NRXN2: variants seen among roughly 807,000 people sequenced by gnomAD.
NRXN2 encodes the protein neurexin 2.
Under a neutral mutation model 128.8 loss-of-function variants are expected in NRXN2, and 29 were observed. The observed-to-expected ratio is 0.23, with a 90% confidence interval of 0.17 to 0.31. NRXN2 has a LOEUF of 0.31. Among genes scored for constraint, NRXN2 ranks in the 10% least tolerant of loss-of-function variants. The pLI is 1.00. For missense variants in NRXN2, 1,881 were observed against 2,452.6 expected (o/e 0.77, Z 4.92); for synonymous variants, 1,098 against 1,075.2 (o/e 1.02, Z -0.41).
At position 64,692,710 on chromosome 11, in the gene NRXN2, G is replaced by T. The variant is rs924077356; in HGVS notation, c.778+137C>A. The T allele has an allele frequency of 1.2e-5, 8 of 668,088 alleles. 1 individual carries two copies. The highest frequency in any genetic ancestry group is 2.1e-5 in the Non-Finnish European group (8 of 376,862). The allele number at this position is 668,088 out of a possible 1,614,324, so 41.4% of individuals were successfully genotyped here. Reference sequence around the variant, plus strand: ...AAAATTAAGAAATGGCAAAGGAAGCGGGTAGGAAAGGAAGGAAGGTGTCAG... The same window carrying T: ...AAAATTAAGAAATGGCAAAGGAAGCTGGTAGGAAAGGAAGGAAGGTGTCAG... On this transcript the variant is annotated intron_variant, in intron 4 of 22. Coordinates refer to ENST00000265459, the MANE Select transcript of NRXN2 (RefSeq NM_015080.4).
At position 64,630,448 on chromosome 11, in the gene NRXN2, G is replaced by A; in HGVS notation, c.3711C>T (p.Ala1237=). 6.2e-7 allele frequency: 1 copy of A among 1,613,472 alleles called. No individual in the cohort carries two copies. The highest frequency in any genetic ancestry group is 1.1e-5 in the South Asian group (1 of 91,082). The change falls in exon 19 of 23, where the codon GCC becomes GCT. Residue 1237 remains alanine, a synonymous_variant. Coordinates refer to ENST00000265459, the MANE Select transcript of NRXN2 (RefSeq NM_015080.4). The surrounding 1 kb of genome is among the most constrained non-coding windows in gnomAD (Gnocchi z 4.6). ...CCGGCCAGCTGTCCACCTGCAGGGTGGCGTTGCCGCCGCTTCGAGTGAAGC... is the reference window on the plus strand; with the variant it reads ...CCGGCCAGCTGTCCACCTGCAGGGTAGCGTTGCCGCCGCTTCGAGTGAAGC... ...VVRFTRSGGN[A]TLQVDSWPVN... is the part of the protein sequence containing the mutation.
At chr11:64,692,136 C>G (rs2053881665) in intron 4 of NRXN2, among the ~76,000 whole-genome samples, 1 of 152,218 alleles carries the variant, frequency 6.6e-6, no homozygotes, top group African/African-American at 2.4e-5. Flanking sequence ...TGGCTAGTCC[C>G]AACCATACCA....
At chr11:64,615,797 C>A (rs1202263454) in intron 22 of NRXN2, among the ~76,000 whole-genome samples, 2 of 151,946 alleles carry the variant, frequency 1.3e-5, no homozygotes, top group South Asian at 4.1e-4. Flanking sequence ...CAGAAGTGCA[C>A]TTGCACCTGT....
At chr11:64,689,447 G>A (rs1382945913) in intron 5 of NRXN2, among the ~76,000 whole-genome samples, 1 of 152,142 alleles carries the variant, frequency 6.6e-6, no homozygotes, top group Admixed American at 6.5e-5. Context: ...TATTGTAGGT[G>A]TTAGAACATC....
intron 1 of NRXN2, among the ~76,000 whole-genome samples, chr11:64,718,786 T>G (rs1747163093): frequency 6.6e-6 from 1 of 152,038 alleles, no homozygotes; most frequent in Admixed American, 6.6e-5. Context: ...TGGCAGACGG[T>G]GAACAGTTCC....
chr11:64,654,282 T>C (rs901210473), intron 11 of NRXN2, among the ~76,000 whole-genome samples: 2 of 152,044 alleles, frequency 1.3e-5, no homozygotes, highest in Non-Finnish European at 2.9e-5. Flanking sequence ...CCCCAGTGGC[T>C]AGTACCACCC....
intron 2 of NRXN2, among the ~76,000 whole-genome samples, chr11:64,701,721 G>A (rs910972195): frequency 6.6e-5 from 10 of 152,200 alleles, no homozygotes; most frequent in Non-Finnish European, 1.0e-4. Flanking sequence ...CCTGGACGAC[G>A]GAGAAGACTT....
intron 22 of NRXN2, among the ~76,000 whole-genome samples, chr11:64,616,297 C>T (rs1446355134): frequency 2.0e-5 from 3 of 152,162 alleles, no homozygotes; most frequent in Non-Finnish European, 2.9e-5. Context: ...TATACTTATA[C>T]ACACATGTAC....
chr11:64,618,015 C>T (rs1197562496), intron 22 of NRXN2, among the ~76,000 whole-genome samples: 1 of 152,172 alleles, frequency 6.6e-6, no homozygotes, highest in Non-Finnish European at 1.5e-5. Flanking sequence ...CTATCCCAGG[C>T]TTCTAGACCT....
intron 22 of NRXN2, among the ~76,000 whole-genome samples, chr11:64,619,174 T>C (rs1432090540): frequency 6.6e-6 from 1 of 152,044 alleles, no homozygotes; most frequent in Admixed American, 6.5e-5. Context: ...TCCAGCCTTC[T>C]GGTACCAACA....
intron 22 of NRXN2, among the ~76,000 whole-genome samples, chr11:64,608,419 TACAA>T (rs975985950): frequency 2.7e-5 from 4 of 150,930 alleles, no homozygotes; most frequent in Non-Finnish European, 5.9e-5. Context: ...TAAAAACAGA[TACAA>T]CAGCAGCATT....
In NRXN2 at chr11:64,632,781, CT is replaced by C. The variant is rs1374487070; in HGVS notation, c.3586-2209del. ...CATTAATTCCTAATTCCCCAATTAC[CT>C]CATTAGGCGGCGGTGGGGAGAACGA... On this transcript the variant is annotated intron_variant, in intron 18 of 22. Coordinates refer to ENST00000265459, the MANE Select transcript of NRXN2 (RefSeq NM_015080.4). The surrounding 1 kb of genome is among the most constrained non-coding windows in gnomAD (Gnocchi z 4.2). Among the ~76,000 whole-genome samples the C allele has an allele frequency of 3.3e-5, 5 of 152,226 alleles. No individual in the cohort carries two copies. The highest frequency in any genetic ancestry group is 3.3e-4 in the Admixed American group (5 of 15,292).
chr11:64,690,838 C>A (rs993695900), intron 4 of NRXN2, among the ~76,000 whole-genome samples: 40 of 152,150 alleles, frequency 2.6e-4, no homozygotes, highest in Admixed American at 2.3e-3. Context: ...CCCCTTTCAA[C>A]TGCTCGCTCA....
chr11:64,709,279 G>A lies in NRXN2; in HGVS notation c.730+3691C>T, dbSNP rs189145929. Among the ~76,000 whole-genome samples, 11 of 151,832 alleles carry A rather than the reference G, an allele frequency of 7.2e-5. No individual in the cohort carries two copies. The East Asian group carries it at 1.7e-3, about 24-fold the overall frequency. On this transcript the variant is annotated intron_variant, in intron 2 of 22. Coordinates refer to ENST00000265459, the MANE Select transcript of NRXN2 (RefSeq NM_015080.4). ...ATGATAAAGTGATTATAACTCCAAGGAAGCCTGGGGATTCTGACCCCTAGA... is the reference window on the plus strand; with the variant it reads ...ATGATAAAGTGATTATAACTCCAAGAAAGCCTGGGGATTCTGACCCCTAGA...
At chr11:64,676,549 T>G (rs1164063632) in intron 7 of NRXN2, 1 of 194,906 alleles carries the variant, frequency 5.1e-6, no homozygotes, top group Non-Finnish European at 1.1e-5. Flanking sequence ...TGGGATGGTG[T>G]TTTCCATGGA....
intron 1 of NRXN2, among the ~76,000 whole-genome samples, chr11:64,720,946 G>A (rs1221828973): frequency 6.6e-6 from 1 of 152,118 alleles, no homozygotes. Flanking sequence ...TTGGATGGGG[G>A]CTGTGTGCAT....
At chr11:64,668,766 G>A (rs543889211) in intron 7 of NRXN2, among the ~76,000 whole-genome samples, 162 bp from the exon 8 acceptor site, 2 of 152,288 alleles carry the variant, frequency 1.3e-5, no homozygotes, top group East Asian at 3.9e-4. Context: ...GGGAAGAGAG[G>A]AAATGAGGAA....
rs553231740 is a variant in NRXN2 at position 64,648,615 on chromosome 11, A to G, written c.3283+119T>C. 18 of 1,390,022 alleles carry G rather than the reference A, an allele frequency of 1.3e-5. No individual in the cohort carries two copies. Among genetic ancestry groups the G allele is most frequent in the South Asian group, 4.7e-5 (4 of 84,634 alleles). The allele number at this position is 1,390,022 out of a possible 1,614,324, so 86.1% of individuals were successfully genotyped here. On this transcript the variant is annotated intron_variant, in intron 16 of 22. Transcript: ENST00000265459. This position sits in a 1 kb window ranked among gnomAD's most constrained non-coding sequence, Gnocchi z 4.1. ...CCCAGAACTGTGGGGGCAAGCTCCC[A>G]TAAGGCCTGAGAAGGAAGGCCCCTT...
chr11:64,705,679 C>T (rs1390893450), intron 2 of NRXN2, among the ~76,000 whole-genome samples: 1 of 152,024 alleles, frequency 6.6e-6, no homozygotes, highest in Non-Finnish European at 1.5e-5. Context: ...TCTGGTCTCA[C>T]ATTCCCAATC....
Sources: gnomAD v4.1 joint callset for allele counts (sites outside exome capture counted in the v4.1 genomes callset) on GRCh38, gnomAD v4.1.1 for gene constraint, Gnocchi (gnomAD v3.1) non-coding constraint, MANE v1.5 for transcripts, NCBI Gene and HGNC (gene_info 2026-07-23, HGNC 2026-07-21) for gene names.